Variants in CCDC7 observed in about 807,000 individuals in gnomAD.
The protein encoded by CCDC7 is coiled-coil domain containing 7.
A neutral mutation model predicts 196.9 loss-of-function variants in CCDC7; 183 were observed. The observed-to-expected ratio is 0.93, with a 90% CI of 0.82 to 1.05. The LOEUF (loss-of-function observed/expected upper bound fraction) is 1.05. Ranked by LOEUF, CCDC7 falls within the 50% of genes least tolerant of loss-of-function variation. The pLI is 0.00. For missense variants in CCDC7, 1,540 were observed against 1,482.2 expected (o/e 1.04, Z -0.64); for synonymous variants, 525 against 484.6 (o/e 1.08, Z -1.10).
chr10:32,459,591 T>G (rs2035142288), intron 3 of CCDC7, among the ~76,000 whole-genome samples: 1 of 151,656 alleles, frequency 6.6e-6, no homozygotes, highest in African/African-American at 2.4e-5. Context: ...TCTTTAACTG[T>G]TTTTCAGAGT....
chr10:32,644,440 A>G (rs149971341), intron 20 of CCDC7, among the ~76,000 whole-genome samples: 3 of 152,312 alleles, frequency 2.0e-5, no homozygotes, highest in African/African-American at 7.2e-5. Context: ...GAGTGAGATC[A>G]TATGGAGTTT....
chr10:32,616,557 T>A (rs563731017), intron 18 of CCDC7, among the ~76,000 whole-genome samples: 1 of 151,734 alleles, frequency 6.6e-6, no homozygotes, highest in South Asian at 2.1e-4. Context: ...AGAGGTTTTT[T>A]TTTTTTGGTG....
chr10:32,544,130 A>G (rs2051999348), intron 12 of CCDC7, 117 bp from the exon 14 acceptor site: 2 of 812,074 alleles, frequency 2.5e-6, no homozygotes, highest in African/African-American at 3.6e-5. Flanking sequence ...TAGAAATATG[A>G]ATTTTTTTAA....
chr10:32,817,678 A>G (rs2089068787), intron 31 of CCDC7, among the ~76,000 whole-genome samples: 1 of 152,256 alleles, frequency 6.6e-6, no homozygotes, highest in African/African-American at 2.4e-5. Context: ...GTGGGGGCCA[A>G]TATTCAACAT....
At chr10:32,549,594 G>A (rs181603683) in intron 13 of CCDC7, among the ~76,000 whole-genome samples, 3 of 152,230 alleles carry the variant, frequency 2.0e-5, no homozygotes, top group Admixed American at 2.0e-4. Context: ...TTATGTATAA[G>A]GTGAGAGATG....
At chr10:32,814,905 A>T (rs2088051250) in intron 31 of CCDC7, among the ~76,000 whole-genome samples, 1 of 152,226 alleles carries the variant, frequency 6.6e-6, no homozygotes, top group Non-Finnish European at 1.5e-5. Flanking sequence ...GAGACATTCA[A>T]AGAGTGCCCT....
At chr10:32,700,408 G>T (rs1440573655) in intron 24 of CCDC7, among the ~76,000 whole-genome samples, 2 of 140,786 alleles carry the variant, frequency 1.4e-5, no homozygotes, top group Non-Finnish European at 2.9e-5. Context: ...TGTTCCATTG[G>T]TCTATATCTC....
At chr10:32,612,744 C>T (rs963707175) in intron 18 of CCDC7, among the ~76,000 whole-genome samples, 1 of 152,054 alleles carries the variant, frequency 6.6e-6, no homozygotes, top group African/African-American at 2.4e-5. Flanking sequence ...GTTGAACCAG[C>T]CTTGTGTCCC....
intron 22 of CCDC7, among the ~76,000 whole-genome samples, chr10:32,882,380 T>C (rs1297310433): frequency 1.3e-5 from 2 of 152,028 alleles, no homozygotes; most frequent in African/African-American, 2.4e-5. Flanking sequence ...ACTGACTTAG[T>C]AGGATTTTTG....
chr10:32,628,513 C>T (rs1053818984), intron 18 of CCDC7, among the ~76,000 whole-genome samples: 1 of 151,800 alleles, frequency 6.6e-6, no homozygotes, highest in Non-Finnish European at 1.5e-5. Context: ...TATTTCTGCT[C>T]TAATCTTTAT....
intron 28 of CCDC7, among the ~76,000 whole-genome samples, chr10:32,733,458 C>T (rs2084329120): frequency 6.6e-6 from 1 of 151,936 alleles, no homozygotes. Context: ...AAAAGCAAAT[C>T]TCCAGCTAAG....
At position 32,645,082 on chromosome 10, in the gene CCDC7, C is replaced by CA. The variant is rs537041252; in HGVS notation, c.2014+9927dup. 3.3e-5 allele frequency among the ~76,000 whole-genome samples: 5 copies of CA among 152,104 alleles called. No individual in the cohort carries two copies. In the South Asian group the frequency reaches 1.0e-3, roughly 32 times the overall value. On this transcript the variant is annotated intron_variant, in intron 20 of 41. Transcript: ENST00000639629. ...CAAAAGAAGACATACAAATGGCCAA[C>CA]AAATATATGAAAAAATGTTCAACAT...
At chr10:32,546,829 TTA>T (rs1273973335) in intron 13 of CCDC7, among the ~76,000 whole-genome samples, 1 of 152,160 alleles carries the variant, frequency 6.6e-6, no homozygotes, top group Non-Finnish European at 1.5e-5. Flanking sequence ...CTCCATTCCA[TTA>T]TATGTCTTGA....
upstream of CCDC7, among the ~76,000 whole-genome samples, chr10:32,449,007 A>G (rs113201356): frequency 1.6e-4 from 24 of 151,576 alleles, no homozygotes; most frequent in African/African-American, 5.8e-4. Context: ...TTATTTTGTG[A>G]TTACTCGTGT....
At chr10:32,755,852 A>C (rs537697522) in intron 28 of CCDC7, among the ~76,000 whole-genome samples, 1 of 152,218 alleles carries the variant, frequency 6.6e-6, no homozygotes, top group South Asian at 2.1e-4. Flanking sequence ...GAAGCTAAAA[A>C]CCTTGAAAAA....
At chr10:32,840,753 A>G (rs2092922450) in intron 33 of CCDC7, among the ~76,000 whole-genome samples, 1 of 152,090 alleles carries the variant, frequency 6.6e-6, no homozygotes, top group Non-Finnish European at 1.5e-5. Context: ...AAAAATCCTC[A>G]ACAAAATACT....
At chr10:32,471,284 A>G in intron 6 of CCDC7, 54 bp downstream of exon 7, 1 of 1,565,504 alleles carries the variant, frequency 6.4e-7, no homozygotes, top group Non-Finnish European at 8.6e-7. Context: ...AGGGTATATA[A>G]TTAGCACTGA....
chr10:32,565,507 T>G, intron 13 of CCDC7, 51 bp from the exon 15 acceptor site: 1 of 1,565,288 alleles, frequency 6.4e-7, no homozygotes, highest in African/African-American at 1.4e-5. Context: ...AAAACTAAAT[T>G]AATTAAAAAT....
At chr10:32,456,130 G>A (rs2034285452) in intron 2 of CCDC7, 121 bp from the exon 4 acceptor site, 1 of 912,404 alleles carries the variant, frequency 1.1e-6, no homozygotes, top group South Asian at 3.5e-5. Flanking sequence ...TGCTGTAAAT[G>A]TTTGAAGGGA....
Sources: allele counts gnomAD v4.1 joint callset (sites outside exome capture counted in the v4.1 genomes callset), GRCh38; gene constraint gnomAD v4.1.1; transcripts MANE v1.5; gene names NCBI Gene and HGNC (gene_info 2026-07-23, HGNC 2026-07-21).